The following SHISA5 variants were observed in gnomAD, a reference collection of about 807,000 sequenced individuals.
The protein encoded by SHISA5 is shisa family member 5.
A neutral mutation model predicts 27.5 loss-of-function variants in SHISA5; 21 were observed. The ratio of observed to expected loss-of-function variants is 0.76; its 90% CI spans 0.54 to 1.10. The LOEUF (loss-of-function observed/expected upper bound fraction) is 1.10. Ranked by LOEUF, SHISA5 falls within the 50% of genes least tolerant of loss-of-function variation. SHISA5 has a pLI of 0.00. For missense variants in SHISA5, 314 were observed against 336.3 expected (o/e 0.93, Z 0.52); for synonymous variants, 137 against 142.2 (o/e 0.96, Z 0.26).
chr3:48,472,711 A>G (rs2040680158), intron 3 of SHISA5, among the ~76,000 whole-genome samples: 1 of 151,286 alleles, frequency 6.6e-6, no homozygotes, highest in Non-Finnish European at 1.5e-5. Flanking sequence ...CTGGGACTGC[A>G]CAACTTCAGC....
intron 1 of SHISA5, among the ~76,000 whole-genome samples, chr3:48,501,521 C>G (rs1423394448): frequency 1.3e-5 from 2 of 152,206 alleles, no homozygotes; most frequent in African/African-American, 4.8e-5. Flanking sequence ...CCCTCTCTCC[C>G]TCACCAGTGC....
rs749453049 is a variant in SHISA5, at chr3:48,473,518, T to A, written c.315-3675A>T. The A allele has an allele frequency of 3.1e-6, 4 of 1,289,388 alleles. No individual in the cohort carries two copies. Among genetic ancestry groups the A allele is most frequent in the South Asian group, 2.5e-5 (2 of 81,004 alleles). 79.9% of individuals were successfully genotyped at this position (1,289,388 alleles called of 1,614,324 possible). A position where few individuals can be genotyped will look rare whatever the true frequency, so the allele number is the denominator to read the frequency against. On this transcript the variant is annotated intron_variant, in intron 3 of 5. Coordinates refer to ENST00000296444, the MANE Select transcript of SHISA5 (RefSeq NM_016479.6). The surrounding 1 kb of genome is among the most constrained non-coding windows in gnomAD (Gnocchi z 4.3). ...ACCCTGGGGCCCTGGCTGACACACA[T>A]GCAAGGAGCAAAGTCCAGCCTGTCC...
intron 2 of SHISA5, among the ~76,000 whole-genome samples, chr3:48,487,265 T>C (rs1368579074): frequency 6.6e-6 from 1 of 152,204 alleles, no homozygotes; most frequent in Non-Finnish European, 1.5e-5. Flanking sequence ...TTCCAATTCA[T>C]GAGCCCTGTC....
chr3:48,468,229 G>C lies in SHISA5; in HGVS notation c.*878C>G. 3 of 1,002,404 alleles carry C rather than the reference G, an allele frequency of 3.0e-6. No individual in the cohort carries two copies. The highest frequency in any genetic ancestry group is 3.6e-6 in the Non-Finnish European group (3 of 839,544). 62.1% of individuals were successfully genotyped at this position (1,002,404 alleles called of 1,614,324 possible). On this transcript the variant is annotated 3_prime_UTR_variant, in exon 6 of 6. Transcript: ENST00000296444. Reference sequence around the variant, plus strand: ...CAGTCTCATATCAACTATCATGTTTGAAACAGAAAACAGGCAAAATGTTTG... The same window carrying C: ...CAGTCTCATATCAACTATCATGTTTCAAACAGAAAACAGGCAAAATGTTTG...
chr3:48,499,309 G>A (rs2041679937), intron 2 of SHISA5, among the ~76,000 whole-genome samples: 1 of 151,940 alleles, frequency 6.6e-6, no homozygotes, highest in African/African-American at 2.4e-5. Flanking sequence ...CAAAGTACTG[G>A]GCTTACAGGC....
Position 48,473,454 on chromosome 3 carries a change from C to G in SHISA5, c.315-3611G>C, listed in dbSNP as rs920769063. On this transcript the variant is annotated intron_variant, in intron 3 of 5. Coordinates refer to ENST00000296444, the MANE Select transcript of SHISA5 (RefSeq NM_016479.6). The surrounding 1 kb of genome is among the most constrained non-coding windows in gnomAD (Gnocchi z 4.3). ...CCCACCGGCCCTGTTCCACCAGCCT[C>G]CAGGAGGAGCTTCTGCATCCATCTA... 8 of 1,295,522 alleles carry G rather than the reference C, an allele frequency of 6.2e-6. No homozygotes were observed. The highest frequency in any genetic ancestry group is 1.1e-4 in the East Asian group (2 of 18,390). 80.3% of individuals were successfully genotyped at this position (1,295,522 alleles called of 1,614,324 possible).
intron 3 of SHISA5, chr3:48,472,985 C>A (rs2040693055): frequency 1.3e-6 from 2 of 1,534,188 alleles, no homozygotes; most frequent in Middle Eastern, 1.7e-4. Context: ...CTCAAACACA[C>A]ACGCAGCATG....
intron 3 of SHISA5, among the ~76,000 whole-genome samples, chr3:48,477,535 C>T (rs557502058): frequency 1.3e-5 from 2 of 152,330 alleles, no homozygotes; most frequent in South Asian, 2.1e-4. Flanking sequence ...TCCCAAGTAG[C>T]TGGGACTACA....
chr3:48,501,835 C>G (rs2041762610), intron 1 of SHISA5, among the ~76,000 whole-genome samples: 2 of 151,758 alleles, frequency 1.3e-5, no homozygotes, highest in Admixed American at 6.6e-5. Context: ...TGCAGGGGAC[C>G]AGACACTGGA....
chr3:48,482,245 G>A (rs2041048951), intron 2 of SHISA5, among the ~76,000 whole-genome samples: 2 of 151,930 alleles, frequency 1.3e-5, no homozygotes, highest in African/African-American at 2.4e-5. Context: ...GACTAACCAC[G>A]AAAAAGGAGG....
intron 2 of SHISA5, among the ~76,000 whole-genome samples, chr3:48,487,919 A>G (rs577523898): frequency 6.2e-4 from 94 of 152,340 alleles, no homozygotes; most frequent in Non-Finnish European, 1.1e-3. Flanking sequence ...AAACCAAAAC[A>G]AAACAAAACA....
At chr3:48,472,173 T>G (rs1460072965) in intron 3 of SHISA5, among the ~76,000 whole-genome samples, 4 of 148,604 alleles carry the variant, frequency 2.7e-5, no homozygotes, top group African/African-American at 1.0e-4. Context: ...AGTGGGAGAC[T>G]CCGTCTCAAA....
At chr3:48,479,295 C>T (rs761778383) in intron 2 of SHISA5, 38 bp from the exon 3 acceptor site, 59 of 1,570,172 alleles carry the variant, frequency 3.8e-5, no homozygotes, top group Admixed American at 5.5e-5. Context: ...ACAATGAAGC[C>T]CCACCGAGCG....
At chr3:48,483,766 G>A (rs1212816550) in intron 2 of SHISA5, among the ~76,000 whole-genome samples, 1 of 150,064 alleles carries the variant, frequency 6.7e-6, no homozygotes, top group Admixed American at 6.6e-5. Flanking sequence ...CGGGCGGGGG[G>A]CTGACCCCAC....
At position 48,473,434 on chromosome 3, in the gene SHISA5, C is replaced by T. The variant is rs1247793440; in HGVS notation, c.315-3591G>A. ...CCACCCCCACTTCCACCTAACCCAC[C>T]GGCCCTGTTCCACCAGCCTCCAGGA... On this transcript the variant is annotated intron_variant, in intron 3 of 5. Coordinates refer to ENST00000296444, the MANE Select transcript of SHISA5 (RefSeq NM_016479.6). The surrounding 1 kb of genome is among the most constrained non-coding windows in gnomAD (Gnocchi z 4.3). 4 of 1,300,160 alleles carry T rather than the reference C, an allele frequency of 3.1e-6. No individual in the cohort carries two copies. Among genetic ancestry groups the T allele is most frequent in the Non-Finnish European group, 4.0e-6 (4 of 996,058 alleles). 80.5% of individuals were successfully genotyped at this position (1,300,160 alleles called of 1,614,324 possible).
chr3:48,481,881 C>T (rs1485036600), intron 2 of SHISA5, among the ~76,000 whole-genome samples: 1 of 151,682 alleles, frequency 6.6e-6, no homozygotes, highest in Non-Finnish European at 1.5e-5. Flanking sequence ...TCCTGGCTAA[C>T]ACAGTGAAAC....
chr3:48,485,243 C>G (rs972509145), intron 2 of SHISA5, among the ~76,000 whole-genome samples: 5 of 152,060 alleles, frequency 3.3e-5, no homozygotes, highest in African/African-American at 1.2e-4. Context: ...CGCCTGTAAT[C>G]CCAGCACTTT....
Position 48,473,259 on chromosome 3 carries a change from G to C in SHISA5, c.315-3416C>G. On this transcript the variant is annotated intron_variant, in intron 3 of 5. Coordinates refer to ENST00000296444, the MANE Select transcript of SHISA5 (RefSeq NM_016479.6). This position sits in a 1 kb window ranked among gnomAD's most constrained non-coding sequence, Gnocchi z 4.3. ...CAAGGGGCGGGGGCCGGGGAGGAGG[G>C]GAAGCAGAGGTGCCCCATTTGCCTC... is the stretch of plus-strand genomic sequence containing the variant. 11 of 1,415,354 alleles carry C rather than the reference G, an allele frequency of 7.8e-6. No individual in the cohort carries two copies. The highest frequency in any genetic ancestry group is 1.0e-5 in the Non-Finnish European group (11 of 1,086,572). 87.7% of individuals were successfully genotyped at this position (1,415,354 alleles called of 1,614,324 possible). A position where few individuals can be genotyped will look rare whatever the true frequency, so the allele number is the denominator to read the frequency against.
chr3:48,489,592 G>A (rs1224328437), intron 2 of SHISA5, among the ~76,000 whole-genome samples: 2 of 143,622 alleles, frequency 1.4e-5, no homozygotes, highest in Non-Finnish European at 3.0e-5. Context: ...AAAGTGCTGG[G>A]ATTACAGGCT....
Sources: gnomAD v4.1 joint callset for allele counts (sites outside exome capture counted in the v4.1 genomes callset) on GRCh38, gnomAD v4.1.1 for gene constraint, Gnocchi (gnomAD v3.1) non-coding constraint, MANE v1.5 for transcripts, NCBI Gene and HGNC (gene_info 2026-07-23, HGNC 2026-07-21) for gene names.